The following SLC24A2 variants were observed in gnomAD, a reference collection of about 807,000 sequenced individuals.
SLC24A2 encodes the protein sodium/potassium/calcium exchanger 2.
Under a neutral mutation model 62.0 loss-of-function variants are expected in SLC24A2, and 36 were observed. That is an observed-to-expected ratio of 0.58 (90% CI 0.44 to 0.77). The LOEUF is 0.77. SLC24A2 is among the 30% of genes least tolerant of loss of function. The probability of loss-of-function intolerance (pLI) is 0.00; values close to 1 mark genes in which losing one functional copy is unlikely to be tolerated. For missense variants in SLC24A2, 846 were observed against 817.9 expected, an observed-to-expected ratio of 1.03 and a Z score of -0.42; for synonymous variants, 358 against 294.0, an observed-to-expected ratio of 1.22 and a Z score of -2.23.
At chr9:19,704,591 T>C (rs956772897) in intron 2 of SLC24A2, among the ~76,000 whole-genome samples, 1 of 152,234 alleles carries the variant, frequency 6.6e-6, no homozygotes, top group Non-Finnish European at 1.5e-5. Context: ...TTCAGAATTT[T>C]ACTGAGTTCT....
chr9:19,828,544 G>T, the SLC24A2 span, among the ~76,000 whole-genome samples: 1 of 152,144 alleles, frequency 6.6e-6, no homozygotes, highest in Non-Finnish European at 1.5e-5. Flanking sequence ...TCTGTTCTCA[G>T]TACTCTGTGA....
At chr9:19,916,277 T>C in the SLC24A2 span, among the ~76,000 whole-genome samples, 4 of 152,092 alleles carry the variant, frequency 2.6e-5, no homozygotes, top group Non-Finnish European at 4.4e-5. Context: ...TCTATACTTA[T>C]GCCAGTACCA....
At chr9:19,579,643 G>T (rs996228247) in intron 5 of SLC24A2, among the ~76,000 whole-genome samples, 7 of 152,126 alleles carry the variant, frequency 4.6e-5, no homozygotes, top group African/African-American at 1.4e-4. Flanking sequence ...TAATAAAGCA[G>T]GAAAGCATTC....
the SLC24A2 span, among the ~76,000 whole-genome samples, chr9:20,239,881 T>A: frequency 6.6e-6 from 1 of 151,952 alleles, no homozygotes; most frequent in Non-Finnish European, 1.5e-5. Flanking sequence ...TTCTGGCTTT[T>A]TTTTTTTTTT....
intron 2 of SLC24A2, among the ~76,000 whole-genome samples, chr9:19,634,534 C>G (rs956733815): frequency 1.3e-5 from 2 of 152,090 alleles, no homozygotes; most frequent in Admixed American, 1.3e-4. Flanking sequence ...GTGATCCGCC[C>G]ACCTCGGCCT....
the SLC24A2 span, among the ~76,000 whole-genome samples, chr9:19,799,866 A>G: frequency 2.6e-5 from 4 of 152,112 alleles, no homozygotes; most frequent in Admixed American, 6.5e-5. Flanking sequence ...AATGACCACA[A>G]ACTTGGTGGC....
chr9:19,717,786 C>T (rs1482618896), intron 2 of SLC24A2, among the ~76,000 whole-genome samples: 1 of 152,012 alleles, frequency 6.6e-6, no homozygotes, highest in Non-Finnish European at 1.5e-5. Flanking sequence ...TCATCTGAAG[C>T]CTCTTGCAGT....
At chr9:19,773,383 G>T (rs61501914) in intron 2 of SLC24A2, among the ~76,000 whole-genome samples, 3,658 of 152,256 alleles carry the variant, frequency 0.024, 158 homozygotes, top group African/African-American at 0.084. Context: ...AAGGCAAAGA[G>T]AACTATTTTG....
chr9:20,266,166 G>A, the SLC24A2 span, among the ~76,000 whole-genome samples: 5,103 of 152,188 alleles, frequency 0.034, 116 homozygotes, highest in African/African-American at 0.048. Flanking sequence ...TAAAGCATGT[G>A]ATCTCTGTGA....
chr9:20,276,042 C>T, the SLC24A2 span, among the ~76,000 whole-genome samples: 10 of 152,142 alleles, frequency 6.6e-5, no homozygotes, highest in African/African-American at 2.4e-4. Flanking sequence ...CACAGCCAAA[C>T]CATATCATTC....
At chr9:19,536,473 T>C (rs1268315065) in intron 8 of SLC24A2, among the ~76,000 whole-genome samples, 3 of 93,342 alleles carry the variant, frequency 3.2e-5, no homozygotes, top group East Asian at 4.1e-4. Flanking sequence ...GTTCTTGCGA[T>C]AGTTTACTGA....
At chr9:20,105,775 C>T in the SLC24A2 span, among the ~76,000 whole-genome samples, 1 of 151,946 alleles carries the variant, frequency 6.6e-6, no homozygotes, top group African/African-American at 2.4e-5. Flanking sequence ...ACCCTAACAT[C>T]ACAATTAAAA....
At chr9:20,142,826 C>T in the SLC24A2 span, among the ~76,000 whole-genome samples, 2 of 152,110 alleles carry the variant, frequency 1.3e-5, no homozygotes, top group African/African-American at 2.4e-5. Flanking sequence ...GAACTCCTGA[C>T]CTCAAGTTAT....
At chr9:19,704,268 G>T (rs1172225288) in intron 2 of SLC24A2, among the ~76,000 whole-genome samples, 1 of 152,156 alleles carries the variant, frequency 6.6e-6, no homozygotes, top group Non-Finnish European at 1.5e-5. Flanking sequence ...CATGATTAAT[G>T]ACATGGAAAG....
At chr9:19,895,548 T>TTCTTTC in the SLC24A2 span, among the ~76,000 whole-genome samples, 78 of 138,182 alleles carry the variant, frequency 5.6e-4, no homozygotes, top group East Asian at 2.3e-3. Flanking sequence ...CTTTCTTTCT[T>TTCTTTC]TTTTTTTTTT....
At chr9:20,018,353 T>A in the SLC24A2 span, among the ~76,000 whole-genome samples, 1 of 152,206 alleles carries the variant, frequency 6.6e-6, no homozygotes, top group East Asian at 1.9e-4. Flanking sequence ...TTCCTCTATC[T>A]GTCTATCAAG....
chr9:19,808,627 A>G, the SLC24A2 span, among the ~76,000 whole-genome samples: 1 of 152,210 alleles, frequency 6.6e-6, no homozygotes, highest in Non-Finnish European at 1.5e-5. The surrounding 1 kb of genome is among the most constrained non-coding windows in gnomAD (Gnocchi z 4.1). Context: ...ATCTCCTAGC[A>G]CACAAGTCCC....
At chr9:20,073,664 C>T in the SLC24A2 span, among the ~76,000 whole-genome samples, 1 of 151,986 alleles carries the variant, frequency 6.6e-6, no homozygotes, top group Non-Finnish European at 1.5e-5. Context: ...TTAACTTCCA[C>T]AGGACTCGTT....
At chr9:20,021,618 A>G in the SLC24A2 span, among the ~76,000 whole-genome samples, 2 of 152,034 alleles carry the variant, frequency 1.3e-5, no homozygotes, top group Non-Finnish European at 2.9e-5. Context: ...GTTTTCAAGC[A>G]CACAGGTTCA....
Sources: gnomAD v4.1 joint callset for allele counts (sites outside exome capture counted in the v4.1 genomes callset) on GRCh38, gnomAD v4.1.1 for gene constraint, Gnocchi (gnomAD v3.1) non-coding constraint, MANE v1.5 for transcripts, NCBI Gene and HGNC (gene_info 2026-07-23, HGNC 2026-07-21) for gene names.